Variants in MRC1 observed in about 807,000 individuals in gnomAD.
MRC1 encodes macrophage mannose receptor 1.
In MRC1, 62 loss-of-function variants were observed where a neutral mutation model predicts 102.9. The observed-to-expected ratio is 0.60, with a 90% CI of 0.49 to 0.74. The LOEUF (loss-of-function observed/expected upper bound fraction) is 0.74. Ranked by LOEUF, MRC1 falls within the 30% of genes least tolerant of loss-of-function variation. MRC1 has a pLI of 0.00. For missense variants in MRC1, 1,237 were observed against 862.8 expected, an observed-to-expected ratio of 1.43 and a Z score of -5.43; for synonymous variants, 457 against 298.4, an observed-to-expected ratio of 1.53 and a Z score of -5.48.
At chr10:17,817,101 AGCTGGGTGTGTGGTGGCACAT>A (rs1330098252) in intron 1 of MRC1, among the ~76,000 whole-genome samples, 1 of 152,084 alleles carries the variant, frequency 6.6e-6, no homozygotes, top group African/African-American at 2.4e-5. Flanking sequence ...TACAAAAATT[AGCTGGGTGTGTGGTGGCACAT>A]GCCTATAGTC....
At position 17,881,196 on chromosome 10, in the gene MRC1, T is replaced by C; in HGVS notation, c.2980+15T>C. Reference sequence around the variant, plus strand: ...AAAAGAGCAAGGTAGGCAGGCCATTTTGCAATTAGTTGTGTGTTTAAATAT... The same window carrying C: ...AAAAGAGCAAGGTAGGCAGGCCATTCTGCAATTAGTTGTGTGTTTAAATAT... On this transcript the variant is annotated intron_variant, in intron 21 of 29. Coordinates refer to ENST00000569591, the MANE Select transcript of MRC1 (RefSeq NM_002438.4). The C allele has an allele frequency of 2.6e-6, 2 of 779,066 alleles. No homozygotes were observed. The highest frequency in any genetic ancestry group is 4.8e-6 in the Non-Finnish European group (2 of 417,534). The allele number at this position is 779,066 out of a possible 1,614,324, so 48.3% of individuals were successfully genotyped here.
intron 3 of MRC1, among the ~76,000 whole-genome samples, chr10:17,830,268 A>G (rs1838548993): frequency 2.0e-5 from 3 of 151,224 alleles, no homozygotes; most frequent in Admixed American, 2.0e-4. Context: ...AGTAGCTGGG[A>G]TTACAGGCAC....
At chr10:17,815,809 C>T (rs979334666) in intron 1 of MRC1, among the ~76,000 whole-genome samples, 6 of 149,340 alleles carry the variant, frequency 4.0e-5, no homozygotes, top group African/African-American at 1.5e-4. Context: ...TTCTTTTGTT[C>T]AACATTTCAT....
intron 5 of MRC1, among the ~76,000 whole-genome samples, chr10:17,843,000 C>T (rs1838773189): frequency 6.6e-6 from 1 of 152,162 alleles, no homozygotes; most frequent in Non-Finnish European, 1.5e-5. Context: ...GTCAAGCATT[C>T]AATTGAATAA....
intron 1 of MRC1, 145 bp downstream of exon 1, chr10:17,809,671 C>A: frequency 2.7e-6 from 2 of 746,324 alleles, no homozygotes; most frequent in East Asian, 2.5e-5. Flanking sequence ...CACGGCTAAG[C>A]CTGCTGCCTT....
chr10:17,884,362 C>A (rs1347335730), intron 21 of MRC1, among the ~76,000 whole-genome samples: 1 of 152,164 alleles, frequency 6.6e-6, no homozygotes, highest in Non-Finnish European at 1.5e-5. Flanking sequence ...CCCCCACCTC[C>A]CCAGGAGGAA....
chr10:17,862,207 G>A (rs1045953798), intron 10 of MRC1, among the ~76,000 whole-genome samples: 103 of 150,858 alleles, frequency 6.8e-4, no homozygotes, highest in Non-Finnish European at 1.4e-3. Flanking sequence ...AAAATGTAAG[G>A]GATACTGTTG....
intron 27 of MRC1, 150 bp from the exon 28 acceptor site, chr10:17,907,384 A>G: frequency 3.0e-6 from 2 of 671,388 alleles, no homozygotes; most frequent in South Asian, 1.8e-5. Flanking sequence ...ATAATTAGTC[A>G]TTATAGTCTT....
At chr10:17,898,391 A>T in intron 24 of MRC1, 125 bp downstream of exon 24, 1 of 752,752 alleles carries the variant, frequency 1.3e-6, no homozygotes, top group Admixed American at 1.7e-5. Context: ...AATGTGAATG[A>T]TACTAACATC....
In MRC1 at chr10:17,856,362, C is replaced by T. The variant is rs1554840898; in HGVS notation, c.1518+10C>T. 23 of 839,792 alleles carry T rather than the reference C, an allele frequency of 2.7e-5. No individual in the cohort carries two copies. Among genetic ancestry groups the T allele is most frequent in the South Asian group, 2.2e-4 (16 of 71,706 alleles). 52.0% of individuals were successfully genotyped at this position (839,792 alleles called of 1,614,324 possible). On this transcript the variant is annotated intron_variant, in intron 9 of 29. Coordinates refer to ENST00000569591, the MANE Select transcript of MRC1 (RefSeq NM_002438.4). ...AAAAGGCTGCAGGAAAGTGAGTGCA[C>T]CATGCCCACAGTGACTTAAGCTGAG...
chr10:17,832,913 G>T (rs1265902109), intron 3 of MRC1, among the ~76,000 whole-genome samples: 2 of 152,014 alleles, frequency 1.3e-5, no homozygotes, highest in Non-Finnish European at 2.9e-5. Context: ...ATATGTAGGG[G>T]GTATATGTGC....
chr10:17,883,291 C>A (rs1025399524), intron 21 of MRC1, among the ~76,000 whole-genome samples: 51 of 152,076 alleles, frequency 3.4e-4, no homozygotes, highest in African/African-American at 1.1e-3. Flanking sequence ...TCATACCTGA[C>A]TAATTTTTAA....
In MRC1 at chr10:17,898,250, C is replaced by A; in HGVS notation, c.3467C>A (p.Ala1156Asp). 1 of 780,776 alleles carries A rather than the reference C, an allele frequency of 1.3e-6. No individual in the cohort carries two copies. The highest frequency in any genetic ancestry group is 2.4e-6 in the Non-Finnish European group (1 of 417,926). The allele number at this position is 780,776 out of a possible 1,614,324, so 48.4% of individuals were successfully genotyped here. ...METSNERVWI[A>D]LNSNLTDNQY... ...ACATCTAATGAACGTGTGTGGATCG[C>A]CCTGAACAGTAACTTGGTAAGATGC... The change falls in exon 24 of 30, where the codon GCC (alanine) becomes GAC (aspartate). Residue 1156 changes from alanine (A) to aspartate (D), a missense_variant. Physicochemically the swap from Ala to Asp is moderately radical, Grantham distance 126. Coordinates refer to ENST00000569591, the MANE Select transcript of MRC1 (RefSeq NM_002438.4).
chr10:17,886,759 G>C (rs1833602333), intron 22 of MRC1, among the ~76,000 whole-genome samples: 1 of 152,158 alleles, frequency 6.6e-6, no homozygotes, highest in Non-Finnish European at 1.5e-5. Context: ...GCAAAAGGTT[G>C]AGAAAGGCCA....
intron 24 of MRC1, among the ~76,000 whole-genome samples, 187 bp downstream of exon 24, chr10:17,898,453 A>G (rs1833784932): frequency 6.6e-6 from 1 of 152,204 alleles, no homozygotes; most frequent in African/African-American, 2.4e-5. Flanking sequence ...CTGGCAAGCT[A>G]GTGATATGTG....
At chr10:17,840,440 A>G (rs1838733834) in intron 4 of MRC1, among the ~76,000 whole-genome samples, 1 of 152,232 alleles carries the variant, frequency 6.6e-6, no homozygotes, top group South Asian at 2.1e-4. Flanking sequence ...GCCTCATTAG[A>G]TCTGGGTTGG....
At chr10:17,843,601 T>C (rs1838781581) in intron 5 of MRC1, among the ~76,000 whole-genome samples, 2 of 151,920 alleles carry the variant, frequency 1.3e-5, no homozygotes, top group South Asian at 4.2e-4. Context: ...GAGGTGGAGG[T>C]TGCAGTGAGC....
rs1454319383 is a variant in MRC1 at position 17,849,915 on chromosome 10, G to GA, written c.1249+155dup. 3 of 591,276 alleles carry GA rather than the reference G, an allele frequency of 5.1e-6. No homozygotes were observed. The African/African-American group carries it at 5.5e-5, about 11-fold the overall frequency. The allele number at this position is 591,276 out of a possible 1,614,324, so 36.6% of individuals were successfully genotyped here. ...ACGTATGAATTTAATCACAAATGCT[G>GA]AAAATGCCACAATGTGAAAATTGTA... On this transcript the variant is annotated intron_variant, in intron 7 of 29. Transcript: ENST00000569591.
intron 2 of MRC1, among the ~76,000 whole-genome samples, chr10:17,826,599 A>G (rs1838479676): frequency 6.6e-6 from 1 of 152,238 alleles, no homozygotes; most frequent in African/African-American, 2.4e-5. Context: ...TAATGTAAAA[A>G]GTTGTTATCT....
Sources: allele counts gnomAD v4.1 joint callset (sites outside exome capture counted in the v4.1 genomes callset), GRCh38; gene constraint gnomAD v4.1.1; transcripts MANE v1.5; gene names NCBI Gene and HGNC (gene_info 2026-07-23, HGNC 2026-07-21).